LRP2: variants seen among roughly 807,000 people sequenced by gnomAD.
LRP2 encodes the protein LDL receptor related protein 2.
A neutral mutation model predicts 531.0 loss-of-function variants in LRP2; 172 were observed. The observed-to-expected ratio is 0.32, with a 90% CI of 0.29 to 0.37. The LOEUF is 0.37. Ranked by LOEUF, LRP2 falls within the 10% of genes least tolerant of loss-of-function variation. LRP2 has a pLI of 1.00. For missense variants in LRP2, 5,167 were observed against 5,868.3 expected (o/e 0.88, Z 3.90); for synonymous variants, 1,992 against 2,027.6 (o/e 0.98, Z 0.47).
intron 76 of LRP2, among the ~76,000 whole-genome samples, chr2:169,135,791 A>C (rs945968642): frequency 6.6e-6 from 1 of 152,268 alleles, no homozygotes; most frequent in Non-Finnish European, 1.5e-5. Context: ...ACACCAGACC[A>C]ACTTGGACTG....
At chr2:169,358,098 T>C (rs1686039944) in intron 1 of LRP2, among the ~76,000 whole-genome samples, 1 of 152,196 alleles carries the variant, frequency 6.6e-6, no homozygotes, top group Non-Finnish European at 1.5e-5. Flanking sequence ...ACCCATCCAA[T>C]TGTTTTTAAG....
At chr2:169,334,270 T>C (rs2105544320) in intron 1 of LRP2, among the ~76,000 whole-genome samples, 1 of 152,334 alleles carries the variant, frequency 6.6e-6, no homozygotes, top group Admixed American at 6.5e-5. Flanking sequence ...TAATAAACTA[T>C]ACCAGAAAAT....
At chr2:169,245,190 A>C (rs984413007) in intron 21 of LRP2, among the ~76,000 whole-genome samples, 1 of 152,234 alleles carries the variant, frequency 6.6e-6, no homozygotes, top group African/African-American at 2.4e-5. Flanking sequence ...TCACAAGAAT[A>C]CTATAAAGTA....
At chr2:169,296,231 T>G (rs16856765) in intron 4 of LRP2, among the ~76,000 whole-genome samples, 1,683 of 152,290 alleles carry the variant, frequency 0.011, 33 homozygotes, top group African/African-American at 0.037. Context: ...TCCTTAAATA[T>G]CTCAATTGCC....
At position 169,287,637 on chromosome 2, in the gene LRP2, G is replaced by A. The variant is rs969403046; in HGVS notation, c.1042+1389C>T. 8.5e-5 allele frequency among the ~76,000 whole-genome samples: 10 copies of A among 118,134 alleles called. No homozygotes were observed. In the South Asian group the frequency reaches 2.9e-3, roughly 34 times the overall value. The allele number at this position is 118,134 out of a possible 152,430, so 77.5% of individuals were successfully genotyped here. A position where few individuals can be genotyped will look rare whatever the true frequency, so the allele number is the denominator to read the frequency against. On this transcript the variant is annotated intron_variant, in intron 9 of 78. Coordinates refer to ENST00000649046, the MANE Select transcript of LRP2 (RefSeq NM_004525.3). ...CATTTTTCTGTTTGCTAGCACTTCC[G>A]CTGAAGAATAATAATAATAATAATA...
intron 1 of LRP2, among the ~76,000 whole-genome samples, chr2:169,345,245 T>C (rs959426569): frequency 1.3e-5 from 2 of 152,210 alleles, no homozygotes; most frequent in Non-Finnish European, 2.9e-5. Flanking sequence ...GATTCCAATC[T>C]AGCCACAAGC....
chr2:169,295,322 G>T (rs553948552), intron 4 of LRP2, among the ~76,000 whole-genome samples: 3 of 152,142 alleles, frequency 2.0e-5, no homozygotes, highest in African/African-American at 7.2e-5. Flanking sequence ...AGGGTAGAGC[G>T]GCCTGAAAAG....
chr2:169,162,890 C>G (rs541964851), intron 62 of LRP2, among the ~76,000 whole-genome samples: 1 of 152,234 alleles, frequency 6.6e-6, no homozygotes, highest in Non-Finnish European at 1.5e-5. Flanking sequence ...GGCAGCACAG[C>G]TGCAAGATGC....
intron 1 of LRP2, among the ~76,000 whole-genome samples, chr2:169,331,699 C>T (rs1385506691): frequency 6.6e-6 from 1 of 152,186 alleles, no homozygotes; most frequent in African/African-American, 2.4e-5. Flanking sequence ...TAAATAAGGA[C>T]CCAATGAATC....
rs908837855 is a variant in LRP2 at position 169,313,136 on chromosome 2, C to T, written c.310+5626G>A. ...TTTTTCAAGATTTTTAGCTTCTTTG[C>T]GATGGGTTTGAACATCCCCCTTTAG... On this transcript the variant is annotated intron_variant, in intron 3 of 78. Transcript: ENST00000649046. Among the ~76,000 whole-genome samples, 10 of 152,086 alleles carry T rather than the reference C, an allele frequency of 6.6e-5. No homozygotes were observed. In the South Asian group the frequency reaches 8.3e-4, roughly 13 times the overall value.
At chr2:169,331,158 A>G (rs1287124069) in intron 1 of LRP2, among the ~76,000 whole-genome samples, 2 of 152,240 alleles carry the variant, frequency 1.3e-5, no homozygotes. Context: ...TTCATCATTA[A>G]TGTAAAGGAT....
chr2:169,128,604 T>G lies in LRP2; in HGVS notation c.*59A>C, dbSNP rs867631829. 1.2e-5 allele frequency: 19 copies of G among 1,530,650 alleles called. No homozygotes were observed. Among genetic ancestry groups the G allele is most frequent in the Middle Eastern group, 1.7e-4 (1 of 5,750 alleles). 94.8% of individuals were successfully genotyped at this position (1,530,650 alleles called of 1,614,324 possible). The stretch of plus-strand genomic sequence containing the variant: ...CTGAATGTTAACTTTTTTCATCTGT[T>G]TGTAAAAAATATATGTGCAAAAGTG... On this transcript the variant is annotated 3_prime_UTR_variant, in exon 79 of 79. Transcript: ENST00000649046.
At chr2:169,298,113 A>G (rs1012079594) in intron 4 of LRP2, among the ~76,000 whole-genome samples, 1 of 152,058 alleles carries the variant, frequency 6.6e-6, no homozygotes, top group African/African-American at 2.4e-5. Context: ...AATCCAGTCA[A>G]TGTAATGATT....
At chr2:169,136,308 C>A (rs1685506509) in intron 76 of LRP2, among the ~76,000 whole-genome samples, 2 of 151,634 alleles carry the variant, frequency 1.3e-5, no homozygotes, top group Admixed American at 6.6e-5. Flanking sequence ...TCTCTCCATG[C>A]CACCCCCCCA....
intron 68 of LRP2, among the ~76,000 whole-genome samples, chr2:169,149,320 T>A (rs1369454411): frequency 6.6e-6 from 1 of 152,212 alleles, no homozygotes; most frequent in East Asian, 1.9e-4. Flanking sequence ...CACTGGCAGA[T>A]CTTATACCGC....
In LRP2 at chr2:169,219,256, T is replaced by G. The variant is rs147131978; in HGVS notation, c.5648+1198A>C. On this transcript the variant is annotated intron_variant, in intron 34 of 78. Transcript: ENST00000649046. ...TTTGAAACAGAGCGCTAATACAAAT[T>G]ACTTCTTCAGTGCCCTTCTAGGCCT... is the stretch of plus-strand genomic sequence containing the variant. Among the ~76,000 whole-genome samples, 1,065 of 152,320 alleles carry G rather than the reference T, an allele frequency of 7.0e-3. 7 individuals carry two copies. Among genetic ancestry groups the G allele is most frequent in the Middle Eastern group, 0.041 (12 of 294 alleles).
chr2:169,282,642 TA>T (rs1559055663), intron 10 of LRP2, among the ~76,000 whole-genome samples: 1 of 152,152 alleles, frequency 6.6e-6, no homozygotes, highest in African/African-American at 2.4e-5. Context: ...ATCAATCAAT[TA>T]AAAAATATTA....
Position 169,165,935 on chromosome 2 carries a change from G to A in LRP2, c.11755C>T (p.His3919Tyr). The change falls in exon 62 of 79, where the codon CAC becomes TAC. Residue 3919 changes from histidine to tyrosine, a missense_variant. Transcript: ENST00000649046. ...CTCCCTTTTGACTTTTGCTTACAGT[G>A]CTCCTCTGTCTCATCAGTTCCATCT... is the stretch of plus-strand genomic sequence containing the variant. The part of the protein sequence containing the change: ...CGDGTDETEE[H>Y]CRKPTPKPCT... 1 of 1,613,916 alleles carries A rather than the reference G, an allele frequency of 6.2e-7. No homozygotes were observed. The highest frequency in any genetic ancestry group is 8.5e-7 in the Non-Finnish European group (1 of 1,179,878).
At chr2:169,199,214 AT>A (rs1411514959) in intron 44 of LRP2, among the ~76,000 whole-genome samples, 1 of 152,244 alleles carries the variant, frequency 6.6e-6, no homozygotes, top group Non-Finnish European at 1.5e-5. Flanking sequence ...AAACTATGGC[AT>A]TTCCACACAA....
Sources: gnomAD v4.1 joint callset for allele counts (sites outside exome capture counted in the v4.1 genomes callset) on GRCh38, gnomAD v4.1.1 for gene constraint, MANE v1.5 for transcripts, NCBI Gene and HGNC (gene_info 2026-07-23, HGNC 2026-07-21) for gene names.